HS3ST4: variants seen among roughly 807,000 people sequenced by gnomAD.
HS3ST4 encodes the protein heparan sulfate-glucosamine 3-sulfotransferase 4, also known as heparan sulfate glucosamine 3-O-sulfotransferase 4.
Under a neutral mutation model 29.2 loss-of-function variants are expected in HS3ST4, and 17 were observed. The ratio of observed to expected loss-of-function variants is 0.58; its 90% CI spans 0.40 to 0.87. HS3ST4 has a LOEUF of 0.87. HS3ST4 is among the 40% of genes least tolerant of loss of function. The probability of loss-of-function intolerance (pLI) is 0.00; values close to 1 mark genes in which losing one functional copy is unlikely to be tolerated. For synonymous variants in HS3ST4, 314 were observed against 285.7 expected (o/e 1.10, Z -1.00); for missense variants, 627 against 634.5 (o/e 0.99, Z 0.13).
At chr16:25,827,764 A>C (rs1967235063) in intron 1 of HS3ST4, among the ~76,000 whole-genome samples, 1 of 152,130 alleles carries the variant, frequency 6.6e-6, no homozygotes, top group South Asian at 2.1e-4. Context: ...AATTTCTTTC[A>C]AGAGTCAATC....
At position 26,135,847 on chromosome 16, in the gene HS3ST4, A is replaced by T. The variant is rs2141818265; in HGVS notation, c.970A>T (p.Ile324Phe). ...LAFKNRTLGL[I>F]DASWSAIRIG... The stretch of plus-strand genomic sequence containing the variant: ...CTTCAAAAACCGGACCCTCGGGCTG[A>T]TCGATGCTTCCTGGAGTGCCATTCG... Residue 324 changes from isoleucine (I) to phenylalanine (F), a missense_variant, in exon 2 of 2, where the codon ATC becomes TTC. Coordinates refer to ENST00000331351, the MANE Select transcript of HS3ST4 (RefSeq NM_006040.3). 1 of 1,614,006 alleles carries T rather than the reference A, an allele frequency of 6.2e-7. No homozygotes were observed. Among genetic ancestry groups the T allele is most frequent in the Non-Finnish European group, 8.5e-7 (1 of 1,179,874 alleles).
At chr16:25,765,089 G>A (rs1044621692) in intron 1 of HS3ST4, among the ~76,000 whole-genome samples, 1 of 152,232 alleles carries the variant, frequency 6.6e-6, no homozygotes, top group African/African-American at 2.4e-5. Flanking sequence ...GGAGCATGGC[G>A]GAGGGAGAGT....
At chr16:25,703,903 T>A (rs1316071592) in intron 1 of HS3ST4, among the ~76,000 whole-genome samples, 1 of 152,194 alleles carries the variant, frequency 6.6e-6, no homozygotes, top group Non-Finnish European at 1.5e-5. Context: ...TTCTTCCACT[T>A]CTGAGCTTGT....
chr16:25,820,010 CAAAAAAAAAAAAAAAAAAAAAAAA>C (rs142336784), intron 1 of HS3ST4, among the ~76,000 whole-genome samples: 9 of 46,934 alleles, frequency 1.9e-4, no homozygotes, highest in Admixed American at 1.4e-3. Context: ...TACTCTGTCT[CAAAAAAAAAAAAAAAAAAAAAAAA>C]AAAAAAAAAA....
At chr16:25,811,141 A>T (rs147119903) in intron 1 of HS3ST4, among the ~76,000 whole-genome samples, 106 of 152,300 alleles carry the variant, frequency 7.0e-4, no homozygotes, top group African/African-American at 2.5e-3. Flanking sequence ...GTTGGTCCTT[A>T]ACAGCATGGG....
chr16:25,998,570 C>T (rs1276584445), intron 1 of HS3ST4, among the ~76,000 whole-genome samples: 1 of 152,162 alleles, frequency 6.6e-6, no homozygotes, highest in Non-Finnish European at 1.5e-5. Context: ...AGAGTATTTT[C>T]CATTCTTGAT....
chr16:26,136,590 C>T lies in HS3ST4; in HGVS notation c.*342C>T, dbSNP rs3803711. ...ACAGTGCTATTAATGTATATGTGAG[C>T]GACAAAAAAGGTCTGCTTTATAGGG... On this transcript the variant is annotated 3_prime_UTR_variant, in exon 2 of 2. Coordinates refer to ENST00000331351, the MANE Select transcript of HS3ST4 (RefSeq NM_006040.3). 131,472 of 270,006 alleles carry T rather than the reference C, an allele frequency of 0.49. 33,859 individuals carry two copies. The highest frequency in any genetic ancestry group is 0.69 in the African/African-American group (31,300 of 45,590). 16.7% of individuals were successfully genotyped at this position (270,006 alleles called of 1,614,324 possible).
chr16:26,089,003 A>G (rs972157279), intron 1 of HS3ST4, among the ~76,000 whole-genome samples: 1 of 152,230 alleles, frequency 6.6e-6, no homozygotes, highest in African/African-American at 2.4e-5. Flanking sequence ...GTCTTCCCAG[A>G]GGACATATGT....
chr16:25,722,497 T>C (rs1966504192), intron 1 of HS3ST4, among the ~76,000 whole-genome samples: 1 of 152,246 alleles, frequency 6.6e-6, no homozygotes, highest in Non-Finnish European at 1.5e-5. Context: ...ATGCTGGCCT[T>C]ACGGGAACTT....
chr16:25,926,622 C>G (rs150670629), intron 1 of HS3ST4, among the ~76,000 whole-genome samples: 308 of 152,336 alleles, frequency 2.0e-3, no homozygotes, highest in African/African-American at 7.2e-3. Flanking sequence ...ACCTCACGAT[C>G]CTTATTTAAC....
intron 1 of HS3ST4, among the ~76,000 whole-genome samples, chr16:25,738,592 G>C (rs1966628628): frequency 6.6e-6 from 1 of 152,154 alleles, no homozygotes; most frequent in Admixed American, 6.5e-5. Flanking sequence ...GCTCAGGACA[G>C]ACCCACACAA....
chr16:25,833,714 G>C (rs1967329386), intron 1 of HS3ST4, among the ~76,000 whole-genome samples: 1 of 152,220 alleles, frequency 6.6e-6, no homozygotes, highest in African/African-American at 2.4e-5. Flanking sequence ...CGTGGACAGG[G>C]GAGACTCAGT....
intron 1 of HS3ST4, among the ~76,000 whole-genome samples, chr16:26,017,396 G>A (rs1264685876): frequency 6.6e-6 from 1 of 152,214 alleles, no homozygotes; most frequent in Non-Finnish European, 1.5e-5. Context: ...TGCGACATTA[G>A]GAGTGTGTGT....
chr16:25,841,373 C>T (rs530503770), intron 1 of HS3ST4, among the ~76,000 whole-genome samples: 19 of 152,212 alleles, frequency 1.2e-4, no homozygotes, highest in Admixed American at 1.1e-3. Context: ...GATCATGGCT[C>T]ATTGCAGCCT....
chr16:26,105,119 G>A (rs1899036245), intron 1 of HS3ST4, among the ~76,000 whole-genome samples: 1 of 152,146 alleles, frequency 6.6e-6, no homozygotes, highest in Non-Finnish European at 1.5e-5. Flanking sequence ...TGGTGGATTG[G>A]ATGAAGAAAA....
intron 1 of HS3ST4, among the ~76,000 whole-genome samples, chr16:25,717,614 G>A (rs968357097): frequency 2.0e-5 from 3 of 150,722 alleles, no homozygotes; most frequent in Admixed American, 6.6e-5. Flanking sequence ...AAGGTGCATC[G>A]CATGCTGGAA....
intron 1 of HS3ST4, 51 bp downstream of exon 1, chr16:25,693,202 A>C: frequency 1.3e-6 from 2 of 1,485,446 alleles, no homozygotes; most frequent in Non-Finnish European, 1.8e-6. Context: ...GGAGACGCGG[A>C]GGGGAAGCCG....
intron 1 of HS3ST4, among the ~76,000 whole-genome samples, chr16:25,841,448 C>CTAATTTTTG (rs1378911668): frequency 6.6e-6 from 1 of 151,986 alleles, no homozygotes; most frequent in African/African-American, 2.4e-5. Flanking sequence ...CTATAGGCAG[C>CTAATTTTTG]TAATTTTTGT....
chr16:26,038,646 T>C (rs1158225770), intron 1 of HS3ST4, among the ~76,000 whole-genome samples: 1 of 151,028 alleles, frequency 6.6e-6, no homozygotes, highest in Admixed American at 6.6e-5. Context: ...GTTCTATTTT[T>C]TTTTTAATTA....
Sources: allele counts gnomAD v4.1 joint callset (sites outside exome capture counted in the v4.1 genomes callset), GRCh38; gene constraint gnomAD v4.1.1; transcripts MANE v1.5; gene names NCBI Gene and HGNC (gene_info 2026-07-23, HGNC 2026-07-21).